NRG3: variants seen among roughly 807,000 people sequenced by gnomAD.
The protein encoded by NRG3 is neuregulin 3.
NRG3 carries 31 observed loss-of-function variants against 66.9 expected under a neutral mutation model. The ratio of observed to expected loss-of-function variants is 0.46; its 90% CI spans 0.35 to 0.63. NRG3 has a LOEUF of 0.63. Among genes scored for constraint, NRG3 ranks in the 20% least tolerant of loss-of-function variants. The pLI, the probability that NRG3 is intolerant of heterozygous loss-of-function variation, is 0.00. For synonymous variants in NRG3, 393 were observed against 359.4 expected (o/e 1.09, Z -1.06); for missense variants, 910 against 878.9 (o/e 1.04, Z -0.45).
At chr10:82,390,240 ACTTT>A (rs999724731) in intron 2 of NRG3, among the ~76,000 whole-genome samples, 1 of 151,960 alleles carries the variant, frequency 6.6e-6, no homozygotes, top group African/African-American at 2.4e-5. Flanking sequence ...TTTTGCCTCT[ACTTT>A]CTTTAATGGC....
intron 1 of NRG3, among the ~76,000 whole-genome samples, chr10:82,075,579 G>A (rs1590014282): frequency 1.3e-5 from 2 of 152,228 alleles, no homozygotes; most frequent in East Asian, 3.9e-4. Context: ...AGTGTGACTG[G>A]GGAGAATGGA....
chr10:82,962,020 T>C (rs1333080066), intron 6 of NRG3, among the ~76,000 whole-genome samples: 14 of 152,228 alleles, frequency 9.2e-5, no homozygotes, highest in Admixed American at 9.2e-4. Flanking sequence ...CATTCCTTTA[T>C]TAAGTTCATT....
intron 1 of NRG3, among the ~76,000 whole-genome samples, chr10:82,205,262 A>G (rs1010728356): frequency 6.6e-6 from 1 of 152,154 alleles, no homozygotes; most frequent in Non-Finnish European, 1.5e-5. Context: ...CTATTTTGAT[A>G]TTCACATAGA....
At chr10:82,686,833 T>C (rs941417193) in intron 2 of NRG3, among the ~76,000 whole-genome samples, 4 of 152,162 alleles carry the variant, frequency 2.6e-5, no homozygotes, top group Admixed American at 6.5e-5. Flanking sequence ...ATCACTGAAA[T>C]TGATCAATGC....
chr10:82,850,042 G>T (rs1291743078), intron 3 of NRG3, among the ~76,000 whole-genome samples: 1 of 152,178 alleles, frequency 6.6e-6, no homozygotes, highest in Non-Finnish European at 1.5e-5. Flanking sequence ...GAGAGAAGTG[G>T]TTGGCTTGAA....
chr10:81,877,791 C>T, intron 1 of NRG3: 1 of 1,373,130 alleles, frequency 7.3e-7, no homozygotes. Flanking sequence ...TTTGAGAGCA[C>T]ATTTTCCCAG....
chr10:82,434,919 T>C (rs1482943859), intron 2 of NRG3, among the ~76,000 whole-genome samples: 2 of 152,198 alleles, frequency 1.3e-5, no homozygotes, highest in Non-Finnish European at 2.9e-5. Flanking sequence ...TTTTGTTATG[T>C]GTCTTCCCGG....
At chr10:82,247,211 G>T (rs866012365) in intron 1 of NRG3, among the ~76,000 whole-genome samples, 1 of 152,106 alleles carries the variant, frequency 6.6e-6, no homozygotes, top group Non-Finnish European at 1.5e-5. Context: ...AGATGTTAGG[G>T]TATATCTTAG....
intron 2 of NRG3, among the ~76,000 whole-genome samples, chr10:82,595,108 AC>A (rs1293461539): frequency 6.6e-6 from 1 of 152,074 alleles, no homozygotes; most frequent in East Asian, 1.9e-4. Flanking sequence ...GATTTGATCC[AC>A]CATGCCCCAC....
At chr10:82,350,230 A>T (rs1038246533) in intron 1 of NRG3, among the ~76,000 whole-genome samples, 1 of 152,214 alleles carries the variant, frequency 6.6e-6, no homozygotes, top group Non-Finnish European at 1.5e-5. Context: ...TGGAGCAAAA[A>T]GGTGCTGTTA....
Position 82,882,360 on chromosome 10 carries a change from T to C in NRG3, c.1054+16923T>C, listed in dbSNP as rs185602357. 2.2e-4 allele frequency among the ~76,000 whole-genome samples: 34 copies of C among 152,324 alleles called. 1 individual carries two copies. The East Asian group carries it at 4.3e-3, about 19-fold the overall frequency. The stretch of plus-strand genomic sequence containing the variant: ...AATCAAATCCAGGTGAAGATGAGGC[T>C]CTTCACATGTAGTTCCTTAAGCTTT... On this transcript the variant is annotated intron_variant, in intron 4 of 8. Transcript: ENST00000372141.
intron 2 of NRG3, among the ~76,000 whole-genome samples, chr10:82,359,260 A>G (rs2083971818): frequency 6.6e-6 from 1 of 152,242 alleles, no homozygotes; most frequent in Admixed American, 6.5e-5. Context: ...CAAACTGCTC[A>G]TCTAAGATCT....
At chr10:82,418,475 A>C (rs1366368273) in intron 2 of NRG3, among the ~76,000 whole-genome samples, 1 of 152,238 alleles carries the variant, frequency 6.6e-6, no homozygotes, top group African/African-American at 2.4e-5. Context: ...GGAGGTAAGA[A>C]GGTATAAGAT....
rs1276299135 is a variant in NRG3, at chr10:82,207,489, G to C, written c.824-151250G>C. ...GTTCAAATTAGTGTACACATGTAAA[G>C]TGTTTATAATGGTGCCTAGCACTTA... On this transcript the variant is annotated intron_variant, in intron 1 of 8. Coordinates refer to ENST00000372141, the MANE Select transcript of NRG3 (RefSeq NM_001010848.4). Among the ~76,000 whole-genome samples, 3 of 152,158 alleles carry C rather than the reference G, an allele frequency of 2.0e-5. 1 individual carries two copies. The highest frequency in any genetic ancestry group is 1.3e-4 in the Admixed American group (2 of 15,270).
At chr10:82,739,863 T>C (rs1175409270) in intron 3 of NRG3, among the ~76,000 whole-genome samples, 1 of 152,164 alleles carries the variant, frequency 6.6e-6, no homozygotes, top group African/African-American at 2.4e-5. Context: ...GTTTTTGGTA[T>C]CTTATTTATC....
At chr10:82,086,653 T>C (rs1202506064) in intron 1 of NRG3, among the ~76,000 whole-genome samples, 1 of 152,116 alleles carries the variant, frequency 6.6e-6, no homozygotes, top group Non-Finnish European at 1.5e-5. Flanking sequence ...ACGCAATACA[T>C]TTCTGCTGTT....
intron 1 of NRG3, chr10:82,230,377 T>G (rs1038699802): frequency 6.6e-6 from 1 of 152,078 alleles, no homozygotes; most frequent in Non-Finnish European, 1.5e-5. Flanking sequence ...TGAAAGGAGA[T>G]CAAATCCTAA....
At chr10:82,190,019 G>T (rs780343309) in intron 1 of NRG3, among the ~76,000 whole-genome samples, 3 of 152,048 alleles carry the variant, frequency 2.0e-5, no homozygotes, top group East Asian at 1.9e-4. Context: ...AGATATAGAC[G>T]ATTCCAAAAG....
At chr10:82,229,195 G>T (rs1170020331) in intron 1 of NRG3, 1 of 151,940 alleles carries the variant, frequency 6.6e-6, no homozygotes, top group Admixed American at 6.6e-5. Context: ...TGTGTAAAAG[G>T]GACCATTGCA....
Sources: allele counts gnomAD v4.1 joint callset (sites outside exome capture counted in the v4.1 genomes callset), GRCh38; gene constraint gnomAD v4.1.1; transcripts MANE v1.5; gene names NCBI Gene and HGNC (gene_info 2026-07-23, HGNC 2026-07-21).